ZEB1: variants seen among roughly 807,000 people sequenced by gnomAD.
The protein encoded by ZEB1 is zinc finger E-box binding homeobox 1.
In ZEB1, 21 loss-of-function variants were observed where a neutral mutation model predicts 84.9. The observed-to-expected ratio is 0.25, with a 90% CI of 0.18 to 0.36. ZEB1 has a LOEUF of 0.36. Among genes scored for constraint, ZEB1 ranks in the 10% least tolerant of loss-of-function variants. The pLI is 1.00. For missense variants in ZEB1, 1,104 were observed against 1,330.2 expected, an observed-to-expected ratio of 0.83 and a Z score of 2.65; for synonymous variants, 420 against 471.1, an observed-to-expected ratio of 0.89 and a Z score of 1.41.
intron 1 of ZEB1, among the ~76,000 whole-genome samples, chr10:31,459,755 A>C (rs2061611117): frequency 2.0e-5 from 3 of 148,554 alleles, no homozygotes; most frequent in Admixed American, 1.3e-4. Context: ...GCTGTTTTGG[A>C]GTTTTGGTTA....
chr10:31,403,827 T>G (rs1172228582), intron 1 of ZEB1, among the ~76,000 whole-genome samples: 1 of 152,030 alleles, frequency 6.6e-6, no homozygotes, highest in Non-Finnish European at 1.5e-5. Flanking sequence ...CTCTTATACT[T>G]TTGCCTTAAA....
At chr10:31,320,909 C>T (rs558749177) in intron 1 of ZEB1, among the ~76,000 whole-genome samples, 1 of 152,164 alleles carries the variant, frequency 6.6e-6, no homozygotes, top group Non-Finnish European at 1.5e-5. Flanking sequence ...TGGGCGGCAA[C>T]GGCCCTGCCG....
intron 2 of ZEB1, among the ~76,000 whole-genome samples, chr10:31,481,844 A>C (rs1257985473): frequency 6.6e-6 from 1 of 151,984 alleles, no homozygotes; most frequent in Non-Finnish European, 1.5e-5. Flanking sequence ...ATACTTAAAC[A>C]CCTGGGAGGG....
intron 6 of ZEB1, among the ~76,000 whole-genome samples, chr10:31,518,227 A>G (rs952470262): frequency 2.6e-5 from 4 of 152,292 alleles, no homozygotes; most frequent in Non-Finnish European, 4.4e-5. Flanking sequence ...CAGGCATCGC[A>G]TTGGAAAAAT....
At chr10:31,412,047 A>G (rs946466895) in intron 1 of ZEB1, among the ~76,000 whole-genome samples, 18 of 152,310 alleles carry the variant, frequency 1.2e-4, no homozygotes, top group Middle Eastern at 3.4e-3. Context: ...CAGGAGCACA[A>G]TTGTAAAAAG....
intron 1 of ZEB1, among the ~76,000 whole-genome samples, chr10:31,356,370 A>G (rs1269509963): frequency 6.6e-6 from 1 of 151,604 alleles, no homozygotes; most frequent in East Asian, 1.9e-4. Context: ...ATATATATAT[A>G]GTGCAGGTCA....
rs149857354 is a variant in ZEB1, at chr10:31,409,963, A to T, written c.59-51074A>T. 1.4e-4 allele frequency among the ~76,000 whole-genome samples: 21 copies of T among 152,348 alleles called. No homozygotes were observed. The East Asian group carries it at 4.0e-3, about 29-fold the overall frequency. Reference sequence around the variant, plus strand: ...AATCATGTCATCTGCAAACAGAGACAATTTGACTTCCCCTCTTCCTATTTG... The same window carrying T: ...AATCATGTCATCTGCAAACAGAGACTATTTGACTTCCCCTCTTCCTATTTG... On this transcript the variant is annotated intron_variant, in intron 1 of 8. Coordinates refer to ENST00000424869, the MANE Select transcript of ZEB1 (RefSeq NM_001174096.2).
chr10:31,389,156 C>G (rs2135161294), intron 1 of ZEB1, among the ~76,000 whole-genome samples: 1 of 152,092 alleles, frequency 6.6e-6, no homozygotes, highest in Non-Finnish European at 1.5e-5. Flanking sequence ...TCTACAGTAT[C>G]AAAAATAAGA....
chr10:31,463,344 ACTT>A (rs1425128839), intron 2 of ZEB1, among the ~76,000 whole-genome samples: 4 of 152,124 alleles, frequency 2.6e-5, no homozygotes, highest in Non-Finnish European at 5.9e-5. Context: ...AAAACAAAAA[ACTT>A]CTTAGCACTT....
At chr10:31,328,098 A>G (rs1013765664) in intron 1 of ZEB1, among the ~76,000 whole-genome samples, 4 of 152,300 alleles carry the variant, frequency 2.6e-5, no homozygotes, top group East Asian at 3.9e-4. Flanking sequence ...TTTTGACTTT[A>G]TGGGTAGTAA....
intron 1 of ZEB1, among the ~76,000 whole-genome samples, chr10:31,441,496 G>A (rs1412001242): frequency 6.6e-6 from 1 of 152,128 alleles, no homozygotes; most frequent in East Asian, 1.9e-4. Context: ...CATAGGCACG[G>A]GCAAGGACTT....
intron 1 of ZEB1, among the ~76,000 whole-genome samples, chr10:31,356,352 G>GTGTATATA (rs141826838): frequency 2.0e-5 from 3 of 146,974 alleles, no homozygotes; most frequent in African/African-American, 7.4e-5. Context: ...TATATGATGT[G>GTGTATATA]TATATATATA....
At chr10:31,348,325 AG>A (rs2040686602) in intron 1 of ZEB1, among the ~76,000 whole-genome samples, 1 of 152,096 alleles carries the variant, frequency 6.6e-6, no homozygotes, top group South Asian at 2.1e-4. Flanking sequence ...GCACTTTGGG[AG>A]GCTGAGGTGG....
chr10:31,401,371 A>G (rs1184511657), intron 1 of ZEB1, among the ~76,000 whole-genome samples: 8 of 152,210 alleles, frequency 5.3e-5, no homozygotes, highest in Non-Finnish European at 1.2e-4. Context: ...TGGAATTGTG[A>G]TCTCCAAGTT....
chr10:31,319,401 A>G, intron 1 of ZEB1, 109 bp downstream of exon 1: 1 of 1,107,678 alleles, frequency 9.0e-7, no homozygotes, highest in Non-Finnish European at 1.3e-6. Context: ...CGGGGCAGGG[A>G]CGGCAAAGTG....
At chr10:31,496,758 C>T (rs1057324697) in intron 3 of ZEB1, among the ~76,000 whole-genome samples, 1 of 151,796 alleles carries the variant, frequency 6.6e-6, no homozygotes, top group African/African-American at 2.4e-5. Context: ...TGTTTTTTTA[C>T]TTTGCTGTGC....
intron 1 of ZEB1, among the ~76,000 whole-genome samples, chr10:31,434,552 A>C (rs934334974): frequency 1.3e-5 from 2 of 152,174 alleles, no homozygotes; most frequent in African/African-American, 4.8e-5. Flanking sequence ...GGAAGCCATA[A>C]AAACAATTAC....
intron 1 of ZEB1, among the ~76,000 whole-genome samples, chr10:31,421,935 C>G (rs1033076442): frequency 6.6e-6 from 1 of 151,998 alleles, no homozygotes; most frequent in Non-Finnish European, 1.5e-5. Context: ...GTATTCCCCC[C>G]CTCCCCGCTG....
chr10:31,325,967 G>GTT (rs61269264), intron 1 of ZEB1, among the ~76,000 whole-genome samples: 7,515 of 124,804 alleles, frequency 0.06, 246 homozygotes, highest in African/African-American at 0.086. Flanking sequence ...TTGGTTTTGG[G>GTT]TTTTTTTTTT....
Sources: gnomAD v4.1 joint callset for allele counts (sites outside exome capture counted in the v4.1 genomes callset) on GRCh38, gnomAD v4.1.1 for gene constraint, MANE v1.5 for transcripts, NCBI Gene and HGNC (gene_info 2026-07-23, HGNC 2026-07-21) for gene names.